OPHN1: variants seen among roughly 807,000 people sequenced by gnomAD.
OPHN1 encodes oligophrenin-1.
A neutral mutation model predicts 60.7 loss-of-function variants in OPHN1; 11 were observed. That is an observed-to-expected ratio of 0.18 (90% confidence interval 0.11 to 0.30). The LOEUF (loss-of-function observed/expected upper bound fraction) is 0.30. OPHN1 is among the 10% of genes least tolerant of loss of function. The pLI is 1.00. For missense variants in OPHN1, 449 were observed against 611.0 expected (o/e 0.73, Z 2.80); for synonymous variants, 226 against 222.6 (o/e 1.02, Z -0.14).
chrX:68,314,378 G>A (rs975049236), intron 2 of OPHN1, among the ~76,000 whole-genome samples: 12 of 110,079 alleles, frequency 1.1e-4, no homozygotes, highest in Non-Finnish European at 1.7e-4. Flanking sequence ...AAAATTAGCC[G>A]GGCGTGGTAG....
At chrX:68,226,336 T>C (rs2077692287) in intron 6 of OPHN1, among the ~76,000 whole-genome samples, 1 of 111,456 alleles carries the variant, frequency 9.0e-6, no homozygotes, top group Non-Finnish European at 1.9e-5. Context: ...ACTTCCCCAA[T>C]CTAGCAAGGC....
rs1354355371 is a variant in OPHN1 at position 68,418,998 on chromosome X, T to TTTG, written c.154+13866_154+13868dup. Among the ~76,000 whole-genome samples, 6 of 110,993 alleles carry TTTG rather than the reference T, an allele frequency of 5.4e-5. No homozygotes were observed. The South Asian group carries it at 1.6e-3, about 29-fold the overall frequency. On this transcript the variant is annotated intron_variant, in intron 2 of 24. Transcript: ENST00000355520. ...CCTCCACTTCTTTTTTTTTAAATTT[T>TTTG]TTGTTGTTGTTGTTTGTTTGTTTTT...
chrX:68,095,518 C>T (rs2077035135), intron 19 of OPHN1, among the ~76,000 whole-genome samples: 2 of 112,020 alleles, frequency 1.8e-5, no homozygotes, highest in Non-Finnish European at 3.8e-5. Context: ...GGCATTGCTC[C>T]CTGGATGTCT....
intron 16 of OPHN1, among the ~76,000 whole-genome samples, chrX:68,114,302 C>T (rs2077118243): frequency 9.0e-6 from 1 of 111,319 alleles, no homozygotes; most frequent in African/African-American, 3.3e-5. Context: ...TCCAGTTCAT[C>T]GATGAGGAAA....
At chrX:68,293,027 A>G (rs1322655935) in intron 3 of OPHN1, among the ~76,000 whole-genome samples, 1 of 112,246 alleles carries the variant, frequency 8.9e-6, no homozygotes, top group Admixed American at 9.5e-5. Context: ...CAAGATGTAT[A>G]ACCAAAAGAT....
chrX:68,209,964 C>A, intron 9 of OPHN1, 189 bp downstream of exon 9: 1 of 487,031 alleles, frequency 2.1e-6, no homozygotes, highest in South Asian at 2.7e-5. Flanking sequence ...CTTTGTAAGA[C>A]AAATCTTTAA....
intron 19 of OPHN1, among the ~76,000 whole-genome samples, chrX:68,074,221 C>A (rs1339792843): frequency 8.9e-6 from 1 of 111,770 alleles, no homozygotes; most frequent in African/African-American, 3.3e-5. Flanking sequence ...CAAGGGTCAA[C>A]ACAGACTACA....
intron 5 of OPHN1, among the ~76,000 whole-genome samples, chrX:68,268,521 C>T (rs1230758289): frequency 4.5e-5 from 5 of 111,624 alleles, no homozygotes; most frequent in Middle Eastern, 4.6e-3. Context: ...GCAGAAAAGG[C>T]CTTTGACAAA....
intron 15 of OPHN1, among the ~76,000 whole-genome samples, chrX:68,120,032 G>A (rs1419015850): frequency 9.0e-6 from 1 of 111,200 alleles, no homozygotes; most frequent in African/African-American, 3.3e-5. Flanking sequence ...GGGAAATACC[G>A]AATTCCAGAC....
At chrX:68,302,955 T>C (rs1261614862) in intron 2 of OPHN1, among the ~76,000 whole-genome samples, 1 of 109,720 alleles carries the variant, frequency 9.1e-6, no homozygotes, top group Non-Finnish European at 1.9e-5. Context: ...AAGAAAGCAA[T>C]CACATTTGCA....
At chrX:68,405,676 G>GTC (rs1484877927) in intron 2 of OPHN1, among the ~76,000 whole-genome samples, 1 of 111,543 alleles carries the variant, frequency 9.0e-6, no homozygotes, top group African/African-American at 3.3e-5. Context: ...TCTTTATCAG[G>GTC]TCTAAGTGGT....
intron 2 of OPHN1, among the ~76,000 whole-genome samples, chrX:68,388,537 A>G (rs1354621184): frequency 1.8e-5 from 2 of 110,954 alleles, no homozygotes; most frequent in African/African-American, 6.6e-5. Context: ...CAACCAGGGA[A>G]AGGGATTAAG....
Position 68,353,743 on chromosome X carries a change from C to G in OPHN1, c.155-54647G>C, listed in dbSNP as rs34080453. Among the ~76,000 whole-genome samples, 607 of 111,625 alleles carry G rather than the reference C, an allele frequency of 5.4e-3. 1 individual carries two copies. The highest frequency in any genetic ancestry group is 8.5e-3 in the Non-Finnish European group (454 of 53,133). On this transcript the variant is annotated intron_variant, in intron 2 of 24. Transcript: ENST00000355520. ...CTCATATTAACTTATTTGTAAGATTCCATTCTACTTTCACAATTTCCATTG... is the reference window on the plus strand; with the variant it reads ...CTCATATTAACTTATTTGTAAGATTGCATTCTACTTTCACAATTTCCATTG...
At chrX:68,142,924 C>T (rs933840097) in intron 15 of OPHN1, among the ~76,000 whole-genome samples, 6 of 111,939 alleles carry the variant, frequency 5.4e-5, no homozygotes, top group African/African-American at 1.9e-4. Flanking sequence ...TTTGTTACAT[C>T]TGATTGAAAT....
rs1019338341 is a variant in OPHN1 at position 68,246,914 on chromosome X, C to A, written c.385-12326G>T. The stretch of plus-strand genomic sequence containing the variant: ...TAAATATCTTACCCAATGCAAAAAA[C>A]CAGTAAGAGGTGGGTTAAACTATCT... On this transcript the variant is annotated intron_variant, in intron 5 of 24. Transcript: ENST00000355520. Among the ~76,000 whole-genome samples the A allele has an allele frequency of 3.6e-5, 4 of 111,350 alleles. No individual in the cohort carries two copies. In the East Asian group the frequency reaches 1.1e-3, roughly 32 times the overall value.
chrX:68,063,720 G>T lies in OPHN1; in HGVS notation c.2158+134C>A, dbSNP rs779247054. 12 of 517,896 alleles carry T rather than the reference G, an allele frequency of 2.3e-5. No individual in the cohort carries two copies. The Admixed American group carries it at 2.9e-4, about 13-fold the overall frequency. 42.7% of individuals were successfully genotyped at this position (517,896 alleles called of 1,213,427 possible). ...TATTGTGACTGATTATTGTGATCTT[G>T]CCCACTGTTCCAATATTAGTGGTAG... On this transcript the variant is annotated intron_variant, in intron 21 of 24. Transcript: ENST00000355520.
chrX:68,221,240 C>T lies in OPHN1; in HGVS notation c.487-7268G>A, dbSNP rs1374357539. ...TTACAAGGGATGTGAAGGACCTCTT[C>T]AAGGAGAACTACAAACCACTGCTCA... On this transcript the variant is annotated intron_variant, in intron 6 of 24. Transcript: ENST00000355520. Among the ~76,000 whole-genome samples, 13 of 64,230 alleles carry T rather than the reference C, an allele frequency of 2.0e-4. No homozygotes were observed. In the East Asian group the frequency reaches 7.4e-3, roughly 37 times the overall value. 55.8% of individuals were successfully genotyped at this position (64,230 alleles called of 115,157 possible).
At chrX:68,107,315 C>T (rs1472056918) in intron 18 of OPHN1, among the ~76,000 whole-genome samples, 1 of 111,124 alleles carries the variant, frequency 9.0e-6, no homozygotes. Context: ...CACTTTTTCC[C>T]ACAACATTGA....
intron 2 of OPHN1, among the ~76,000 whole-genome samples, chrX:68,303,994 AG>A (rs1372949608): frequency 7.0e-4 from 78 of 111,628 alleles, no homozygotes; most frequent in African/African-American, 2.4e-3. Flanking sequence ...CAGAAGAAAA[AG>A]TTCCACTTTC....
Sources: gnomAD v4.1 joint callset for allele counts (sites outside exome capture counted in the v4.1 genomes callset) on GRCh38, gnomAD v4.1.1 for gene constraint, MANE v1.5 for transcripts, NCBI Gene and HGNC (gene_info 2026-07-23, HGNC 2026-07-21) for gene names.